Variants in MKNK1 observed in about 807,000 individuals in gnomAD.
MKNK1 encodes the protein MAPK interacting serine/threonine kinase 1.
Under a neutral mutation model 49.3 loss-of-function variants are expected in MKNK1, and 30 were observed. That is an observed-to-expected ratio of 0.61 (90% CI 0.46 to 0.83). MKNK1 has a LOEUF of 0.83. Among genes scored for constraint, MKNK1 ranks in the 40% least tolerant of loss-of-function variants. The probability of loss-of-function intolerance (pLI) is 0.00; values close to 1 mark genes in which losing one functional copy is unlikely to be tolerated. For missense variants in MKNK1, 423 were observed against 524.7 expected (o/e 0.81, Z 1.89); for synonymous variants, 176 against 201.7 (o/e 0.87, Z 1.08).
chr1:46,591,714 T>A (rs1405814905), intron 2 of MKNK1, among the ~76,000 whole-genome samples: 1 of 152,190 alleles, frequency 6.6e-6, no homozygotes, highest in African/African-American at 2.4e-5. Context: ...AGCCATTGTT[T>A]CATGTAAAAA....
At position 46,568,463 on chromosome 1, in the gene MKNK1, A is replaced by C. The variant is rs201471887; in HGVS notation, c.493T>G (p.Leu165Val). 2.5e-6 allele frequency: 4 copies of C among 1,614,162 alleles called. No individual in the cohort carries two copies. In the East Asian group the frequency reaches 6.7e-5, roughly 27 times the overall value. The change falls in exon 8 of 13, where the codon TTG becomes GTG. Residue 165 changes from leucine to valine, a missense_variant. Physicochemically the swap from Leu to Val is conservative, Grantham distance 32 (BLOSUM62 1). Transcript: ENST00000371945. ...AHRDLKPENI[L>V]CESPEKVSPV... ...AGTACCTTTTCTGGAGATTCACACA[A>C]TATATTTTCTGGTTTCAGATCACGA...
At chr1:46,569,733 C>T (rs1481645045) in intron 7 of MKNK1, 1 of 152,258 alleles carries the variant, frequency 6.6e-6, no homozygotes, top group African/African-American at 2.4e-5. Flanking sequence ...CCCAGAGCAA[C>T]TCAGTCCAGG....
chr1:46,591,077 G>A (rs1426191458), intron 2 of MKNK1, among the ~76,000 whole-genome samples: 1 of 152,178 alleles, frequency 6.6e-6, no homozygotes, highest in East Asian at 1.9e-4. Flanking sequence ...CCCATTAGTG[G>A]GAAGATTTGG....
In MKNK1 at chr1:46,557,879, ACAC is replaced by A. The variant is rs1397691069; in HGVS notation, c.*693_*695del. On this transcript the variant is annotated 3_prime_UTR_variant, in exon 13 of 13. Transcript: ENST00000371945. The stretch of plus-strand genomic sequence containing the variant: ...CTTTGCTGGAACAGCATGGTTAAAA[ACAC>A]CAAACTTTTTTTTTAAAAAAACGAT... The A allele has an allele frequency of 6.6e-6, 1 of 152,274 alleles. No homozygotes were observed. Among genetic ancestry groups the A allele is most frequent in the Non-Finnish European group, 1.5e-5 (1 of 68,042 alleles). The allele number at this position is 152,274 out of a possible 1,614,324, so 9.4% of individuals were successfully genotyped here.
At chr1:46,599,561 C>T (rs1674481327) in intron 1 of MKNK1, among the ~76,000 whole-genome samples, 3 of 152,186 alleles carry the variant, frequency 2.0e-5, no homozygotes, top group African/African-American at 2.4e-5. Flanking sequence ...AGTGATTCAC[C>T]GTTTAAGCCT....
At chr1:46,594,034 G>A (rs1248423519) in intron 2 of MKNK1, 79 bp downstream of exon 2, 8 of 1,140,020 alleles carry the variant, frequency 7.0e-6, no homozygotes, top group South Asian at 5.4e-5. Flanking sequence ...TCTCTTACCC[G>A]CCCTTTCCTC....
chr1:46,602,152 C>T (rs1674815644), intron 1 of MKNK1, among the ~76,000 whole-genome samples: 1 of 152,212 alleles, frequency 6.6e-6, no homozygotes, highest in Admixed American at 6.5e-5. Flanking sequence ...TGGCTCACAT[C>T]TGTAGTACCA....
chr1:46,558,840 C>A, intron 12 of MKNK1, 40 bp from the exon 13 acceptor site: 1 of 1,569,924 alleles, frequency 6.4e-7, no homozygotes, highest in Admixed American at 1.7e-5. Flanking sequence ...AGGGTCAGGA[C>A]TCTAGGGTCA....
chr1:46,595,775 A>G (rs1048898166), intron 1 of MKNK1, among the ~76,000 whole-genome samples: 18 of 152,288 alleles, frequency 1.2e-4, no homozygotes, highest in South Asian at 4.1e-4. Flanking sequence ...ATCCAACGAC[A>G]GGATCTGGCT....
At chr1:46,572,372 C>G (rs1278852058) in intron 6 of MKNK1, 2 of 417,314 alleles carry the variant, frequency 4.8e-6, no homozygotes, top group Non-Finnish European at 8.9e-6. Flanking sequence ...ACCACCATGT[C>G]CAGCTAATTT....
chr1:46,600,482 A>T (rs990495459), intron 1 of MKNK1, among the ~76,000 whole-genome samples: 3 of 152,246 alleles, frequency 2.0e-5, no homozygotes, highest in African/African-American at 7.2e-5. Flanking sequence ...GAAGTACATG[A>T]ATATTCCTAA....
intron 6 of MKNK1, chr1:46,573,779 G>C (rs933510047): frequency 6.6e-6 from 1 of 151,554 alleles, no homozygotes; most frequent in African/African-American, 2.4e-5. Context: ...TGTTGCCCAG[G>C]CTGGAGTGTA....
At chr1:46,602,747 GATTGGACACC>G (rs1208078353) in intron 1 of MKNK1, among the ~76,000 whole-genome samples, 1 of 152,200 alleles carries the variant, frequency 6.6e-6, no homozygotes, top group African/African-American at 2.4e-5. Flanking sequence ...GAAGCCAAAA[GATTGGACACC>G]ACTGCTCTAT....
intron 10 of MKNK1, 52 bp from the exon 11 acceptor site, chr1:46,561,694 G>T: frequency 6.3e-7 from 1 of 1,587,686 alleles, no homozygotes; most frequent in Non-Finnish European, 8.6e-7. Context: ...TGGGCAGGAT[G>T]TGCCTGTCAT....
At chr1:46,594,331 G>A in intron 1 of MKNK1, 51 bp from the exon 2 acceptor site, 1 of 660,712 alleles carries the variant, frequency 1.5e-6, no homozygotes, top group South Asian at 1.6e-5. Flanking sequence ...TTCTTTAAAA[G>A]GACCAGAAAA....
chr1:46,603,092 A>AG (rs1674960338), intron 1 of MKNK1, among the ~76,000 whole-genome samples: 1 of 152,196 alleles, frequency 6.6e-6, no homozygotes, highest in African/African-American at 2.4e-5. Flanking sequence ...AGATGGGCAG[A>AG]GGGGGCACCA....
chr1:46,559,293 G>C (rs892288720), intron 12 of MKNK1, among the ~76,000 whole-genome samples: 3 of 152,248 alleles, frequency 2.0e-5, no homozygotes, highest in African/African-American at 7.2e-5. Context: ...AAGGCATCTG[G>C]AGGCTGCTCT....
chr1:46,560,204 G>C (rs1667692788), intron 12 of MKNK1, 30 bp downstream of exon 12: 1 of 1,612,978 alleles, frequency 6.2e-7, no homozygotes, highest in African/African-American at 1.3e-5. Context: ...TTGAGGAAGA[G>C]CATGGCGTGG....
chr1:46,570,382 C>T (rs1480886170), intron 7 of MKNK1: 1 of 152,274 alleles, frequency 6.6e-6, no homozygotes, highest in Non-Finnish European at 1.5e-5. Flanking sequence ...AGAAACAGAG[C>T]TGATGCTATT....
Sources: gnomAD v4.1 joint callset for allele counts (sites outside exome capture counted in the v4.1 genomes callset) on GRCh38, gnomAD v4.1.1 for gene constraint, MANE v1.5 for transcripts, NCBI Gene and HGNC (gene_info 2026-07-23, HGNC 2026-07-21) for gene names.